Variants in C12orf42 observed in about 807,000 individuals in gnomAD.
C12orf42 encodes the protein uncharacterized protein C12orf42.
In C12orf42, 25 loss-of-function variants were observed where a neutral mutation model predicts 21.6. That is an observed-to-expected ratio of 1.16 (90% CI 0.84 to 1.62). The LOEUF (loss-of-function observed/expected upper bound fraction) is 1.62, where lower values mean the gene tolerates loss of function less well. Ranked by LOEUF, C12orf42 falls within the 40% of genes most tolerant of loss-of-function variation. The pLI is 0.00. For synonymous variants in C12orf42, 174 were observed against 175.0 expected (o/e 0.99, Z 0.05); for missense variants, 483 against 459.3 (o/e 1.05, Z -0.47).
chr12:103,436,870 C>A (rs1950765832), intron 2 of C12orf42, among the ~76,000 whole-genome samples: 1 of 148,914 alleles, frequency 6.7e-6, no homozygotes, highest in African/African-American at 2.5e-5. Flanking sequence ...AACAAGGATA[C>A]CCAGGAATTG....
intron 1 of C12orf42, among the ~76,000 whole-genome samples, chr12:103,479,657 T>C (rs1404696736): frequency 1.3e-5 from 2 of 152,108 alleles, no homozygotes; most frequent in Non-Finnish European, 2.9e-5. Context: ...TAGAGACAGA[T>C]AGTAAATTCT....
intron 2 of C12orf42, among the ~76,000 whole-genome samples, chr12:103,473,327 T>C (rs542511590): frequency 1.3e-5 from 2 of 152,196 alleles, no homozygotes; most frequent in Non-Finnish European, 2.9e-5. Flanking sequence ...GCTAAACCAA[T>C]AGGCTTTGAT....
the C12orf42 span, among the ~76,000 whole-genome samples, chr12:103,224,938 C>T: frequency 2.0e-5 from 3 of 152,156 alleles, no homozygotes; most frequent in African/African-American, 7.2e-5. Flanking sequence ...CGGACACGAT[C>T]AGCAGGGAAA....
chr12:103,546,988 T>G, the C12orf42 span, among the ~76,000 whole-genome samples: 1 of 152,232 alleles, frequency 6.6e-6, no homozygotes, highest in East Asian at 1.9e-4. Context: ...GACTCTCCAG[T>G]CTTCATCAAA....
chr12:103,437,187 A>G (rs932015119), intron 2 of C12orf42, among the ~76,000 whole-genome samples: 3 of 152,018 alleles, frequency 2.0e-5, no homozygotes, highest in Admixed American at 2.0e-4. Context: ...GGCAGAAATA[A>G]AGATGTTCTT....
chr12:103,266,389 T>C (rs1411200342), downstream of C12orf42, among the ~76,000 whole-genome samples: 1 of 152,142 alleles, frequency 6.6e-6, no homozygotes, highest in Non-Finnish European at 1.5e-5. Flanking sequence ...GTGTATAAAC[T>C]CTGTTATCAG....
intron 4 of C12orf42, among the ~76,000 whole-genome samples, chr12:103,311,650 C>T (rs1189904613): frequency 2.0e-5 from 3 of 152,164 alleles, no homozygotes; most frequent in Non-Finnish European, 4.4e-5. Flanking sequence ...TAGATAGTGA[C>T]AGAACTTGAG....
the C12orf42 span, among the ~76,000 whole-genome samples, chr12:103,070,570 TTAG>T: frequency 6.6e-6 from 1 of 151,574 alleles, no homozygotes; most frequent in African/African-American, 2.4e-5. Flanking sequence ...ATCCACTGAT[TTAG>T]TAGGAGTGTC....
the C12orf42 span, among the ~76,000 whole-genome samples, chr12:103,090,509 A>C: frequency 3.9e-5 from 6 of 152,202 alleles, no homozygotes; most frequent in African/African-American, 1.4e-4. Context: ...AATCCACCTC[A>C]TAGAGGTGTT....
the C12orf42 span, among the ~76,000 whole-genome samples, chr12:103,554,087 T>G: frequency 6.6e-6 from 1 of 152,164 alleles, no homozygotes; most frequent in South Asian, 2.1e-4. Context: ...GAGAGGAAAG[T>G]TTTGACTTTG....
chr12:103,273,469 T>C (rs1022207317), intron 5 of C12orf42, among the ~76,000 whole-genome samples: 1 of 152,142 alleles, frequency 6.6e-6, no homozygotes, highest in African/African-American at 2.4e-5. Flanking sequence ...TGGAGGGTGT[T>C]ATCACTCCAA....
At chr12:103,178,852 C>T in the C12orf42 span, among the ~76,000 whole-genome samples, 1 of 152,164 alleles carries the variant, frequency 6.6e-6, no homozygotes, top group Non-Finnish European at 1.5e-5. Flanking sequence ...AAAGAGTGGT[C>T]AGTAACTTCT....
At chr12:103,257,474 A>G (rs897414347) in intron 10 of C12orf42, among the ~76,000 whole-genome samples, 3 of 152,164 alleles carry the variant, frequency 2.0e-5, no homozygotes, top group Non-Finnish European at 4.4e-5. Flanking sequence ...CCGTTTCAAA[A>G]TCAACTCAAA....
the C12orf42 span, among the ~76,000 whole-genome samples, chr12:103,217,255 C>T: frequency 8.5e-5 from 13 of 152,238 alleles, no homozygotes; most frequent in South Asian, 1.2e-3. Flanking sequence ...TGCAGCGGCT[C>T]ACACCTGTAA....
In C12orf42 at chr12:103,275,765, G is replaced by A. The variant is rs1420262696; in HGVS notation, n.398+1385C>T. Among the ~76,000 whole-genome samples the A allele has an allele frequency of 3.4e-5, 5 of 148,080 alleles. No homozygotes were observed. The East Asian group carries it at 9.8e-4, about 29-fold the overall frequency. On this transcript the variant is annotated intron_variant and non_coding_transcript_variant, in intron 5 of 6. Coordinates refer to the C12orf42 transcript ENST00000546526. ...ATTTTTTTTTTTTTTTTTTACTCAG[G>A]AAAACAAGACAGACAAACTTTTTTT... is the stretch of plus-strand genomic sequence containing the variant.
chr12:103,183,256 A>C, the C12orf42 span, among the ~76,000 whole-genome samples: 1 of 152,076 alleles, frequency 6.6e-6, no homozygotes, highest in African/African-American at 2.4e-5. Flanking sequence ...TAATTTTTGT[A>C]TTTTTAGTAG....
chr12:103,432,517 T>C (rs1950341171), intron 2 of C12orf42, among the ~76,000 whole-genome samples: 1 of 152,178 alleles, frequency 6.6e-6, no homozygotes, highest in Non-Finnish European at 1.5e-5. Context: ...ATTCATGACA[T>C]ACAATAGGAG....
At chr12:103,219,756 A>G in the C12orf42 span, among the ~76,000 whole-genome samples, 5 of 152,174 alleles carry the variant, frequency 3.3e-5, no homozygotes, top group African/African-American at 1.2e-4. Flanking sequence ...AAAAGTCAGG[A>G]AAAAACAGAT....
rs535130006 is a variant in C12orf42 at position 103,339,395 on chromosome 12, C to G, written c.259+29492G>C. ...CTGAAAGGCCCCAGTATATGTTGTT[C>G]CCTTCTATGTGTCCATGTATTCTCA... On this transcript the variant is annotated intron_variant, in intron 4 of 5. Coordinates refer to ENST00000548883, the MANE Select transcript of C12orf42 (RefSeq NM_198521.5). 7.9e-5 allele frequency among the ~76,000 whole-genome samples: 12 copies of G among 152,258 alleles called. No homozygotes were observed. The South Asian group carries it at 1.5e-3, about 18-fold the overall frequency.
Sources: allele counts gnomAD v4.1 joint callset (sites outside exome capture counted in the v4.1 genomes callset), GRCh38; gene constraint gnomAD v4.1.1; transcripts MANE v1.5; gene names NCBI Gene and HGNC (gene_info 2026-07-23, HGNC 2026-07-21).